PTPRD: variants seen among roughly 807,000 people sequenced by gnomAD.
The protein encoded by PTPRD is protein tyrosine phosphatase receptor type D.
A neutral mutation model predicts 214.5 loss-of-function variants in PTPRD; 34 were observed. The observed-to-expected ratio is 0.16, with a 90% CI of 0.12 to 0.21. The LOEUF (loss-of-function observed/expected upper bound fraction) is 0.21. PTPRD is among the 10% of genes least tolerant of loss of function. The pLI is 1.00. For synonymous variants in PTPRD, 1,128 were observed against 845.7 expected (o/e 1.33, Z -5.79); for missense variants, 2,545 against 2,398.7 (o/e 1.06, Z -1.27).
chr9:9,287,737 G>T (rs1390649289), intron 9 of PTPRD, among the ~76,000 whole-genome samples: 1 of 151,898 alleles, frequency 6.6e-6, no homozygotes, highest in Non-Finnish European at 1.5e-5. Flanking sequence ...TAGGAGCACA[G>T]AAGATATTTC....
At chr9:10,290,797 T>G (rs2095504812) in intron 3 of PTPRD, among the ~76,000 whole-genome samples, 1 of 152,188 alleles carries the variant, frequency 6.6e-6, no homozygotes, top group South Asian at 2.1e-4. Context: ...GTGTCATTGT[T>G]ATTTGGGAGG....
chr9:8,386,115 C>T (rs545036081), intron 37 of PTPRD, among the ~76,000 whole-genome samples: 1 of 152,288 alleles, frequency 6.6e-6, no homozygotes, highest in South Asian at 2.1e-4. Context: ...TCAGTCAATA[C>T]CCACAATAAC....
chr9:9,872,090 T>C (rs1003831577), intron 5 of PTPRD, among the ~76,000 whole-genome samples: 8 of 152,160 alleles, frequency 5.3e-5, no homozygotes, highest in African/African-American at 1.7e-4. Context: ...TCTATAATTG[T>C]TCACACTATA....
chr9:8,555,453 A>G (rs1412179375), intron 14 of PTPRD, among the ~76,000 whole-genome samples: 1 of 152,242 alleles, frequency 6.6e-6, no homozygotes, highest in African/African-American at 2.4e-5. Context: ...GTAATCAACC[A>G]CATGTTAGCT....
chr9:8,325,702 C>T (rs1044419506), intron 44 of PTPRD, among the ~76,000 whole-genome samples: 1 of 151,944 alleles, frequency 6.6e-6, no homozygotes, highest in Non-Finnish European at 1.5e-5. Context: ...GATATTGATT[C>T]TTCCTATCCG....
intron 10 of PTPRD, among the ~76,000 whole-genome samples, chr9:9,038,133 T>TC (rs1160584192): frequency 6.6e-6 from 1 of 152,146 alleles, no homozygotes; most frequent in Non-Finnish European, 1.5e-5. Context: ...TTCAAAATCC[T>TC]CTAGGATGTA....
chr9:10,046,915 GAAC>G (rs922142873), intron 3 of PTPRD, among the ~76,000 whole-genome samples: 7 of 151,924 alleles, frequency 4.6e-5, no homozygotes, highest in African/African-American at 1.2e-4. Flanking sequence ...CACACTCAGT[GAAC>G]AACAATTACA....
At chr9:8,952,727 T>C (rs2099109537) in intron 11 of PTPRD, among the ~76,000 whole-genome samples, 1 of 151,736 alleles carries the variant, frequency 6.6e-6, no homozygotes, top group Admixed American at 6.6e-5. Context: ...TATTGAAAAA[T>C]TAAGATTTTC....
intron 11 of PTPRD, among the ~76,000 whole-genome samples, chr9:9,012,601 G>A (rs2154363195): frequency 6.6e-6 from 1 of 152,258 alleles, no homozygotes; most frequent in African/African-American, 2.4e-5. Context: ...TATTTGCAAT[G>A]TCTAATGACT....
intron 4 of PTPRD, among the ~76,000 whole-genome samples, chr9:10,007,599 C>A (rs1567053437): frequency 6.6e-6 from 1 of 151,918 alleles, no homozygotes. Flanking sequence ...GGTTCCATTT[C>A]AACAGTGTTT....
chr9:8,492,832 C>A (rs2136296842), intron 27 of PTPRD, 30 bp downstream of exon 27: 3 of 1,537,586 alleles, frequency 2.0e-6, no homozygotes, highest in South Asian at 1.1e-5. Context: ...TATTACTGTT[C>A]AAGGCACATA....
At chr9:9,947,262 T>G (rs1345767025) in intron 4 of PTPRD, among the ~76,000 whole-genome samples, 1 of 121,156 alleles carries the variant, frequency 8.3e-6, no homozygotes, top group African/African-American at 3.1e-5. Context: ...CAAATTCTTT[T>G]CTAGTTATAC....
chr9:9,111,765 A>G (rs2099806381), intron 10 of PTPRD, among the ~76,000 whole-genome samples: 1 of 152,058 alleles, frequency 6.6e-6, no homozygotes, highest in African/African-American at 2.4e-5. Context: ...TTTTGTGGAG[A>G]CGCTTGAGGA....
At chr9:10,185,990 A>G (rs2099328527) in intron 3 of PTPRD, among the ~76,000 whole-genome samples, 1 of 152,156 alleles carries the variant, frequency 6.6e-6, no homozygotes, top group South Asian at 2.1e-4. Flanking sequence ...TTATTCTCCA[A>G]AATAATGGCT....
chr9:8,466,151 T>C (rs2096540455), intron 31 of PTPRD, among the ~76,000 whole-genome samples: 1 of 151,976 alleles, frequency 6.6e-6, no homozygotes, highest in African/African-American at 2.4e-5. Flanking sequence ...AGATAACTCA[T>C]ATGATACAAA....
intron 11 of PTPRD, among the ~76,000 whole-genome samples, chr9:8,961,647 A>C (rs1459429589): frequency 6.6e-6 from 1 of 152,142 alleles, no homozygotes; most frequent in African/African-American, 2.4e-5. Flanking sequence ...TGTGCCCCAT[A>C]GCTGAACAGA....
intron 5 of PTPRD, among the ~76,000 whole-genome samples, chr9:9,893,936 T>C (rs1729700822): frequency 6.6e-6 from 1 of 152,044 alleles, no homozygotes; most frequent in South Asian, 2.1e-4. Context: ...TCTCAACCTT[T>C]TGAGTAGCTA....
intron 9 of PTPRD, among the ~76,000 whole-genome samples, chr9:9,195,120 A>ACG (rs2099937710): frequency 6.7e-6 from 1 of 150,164 alleles, no homozygotes; most frequent in African/African-American, 2.4e-5. Flanking sequence ...ACACACACAC[A>ACG]TATACATACA....
At chr9:10,252,484 T>TC (rs1411911752) in intron 3 of PTPRD, among the ~76,000 whole-genome samples, 1 of 151,884 alleles carries the variant, frequency 6.6e-6, no homozygotes, top group African/African-American at 2.4e-5. Context: ...CTCCATTGTC[T>TC]CCCCCATTTT....
Sources: allele counts gnomAD v4.1 joint callset (sites outside exome capture counted in the v4.1 genomes callset), GRCh38; gene constraint gnomAD v4.1.1; transcripts MANE v1.5; gene names NCBI Gene and HGNC (gene_info 2026-07-23, HGNC 2026-07-21).